CLEC4C: variants seen among roughly 807,000 people sequenced by gnomAD.
CLEC4C encodes the protein C-type (calcium dependent, carbohydrate-recognition domain) lectin, superfamily member 11.
CLEC4C carries 17 observed loss-of-function variants against 27.7 expected under a neutral mutation model. The ratio of observed to expected loss-of-function variants is 0.61; its 90% CI spans 0.42 to 0.92. CLEC4C has a LOEUF of 0.92. Among genes scored for constraint, CLEC4C ranks in the 40% least tolerant of loss-of-function variants. The pLI is 0.00. For missense variants in CLEC4C, 244 were observed against 257.3 expected, an observed-to-expected ratio of 0.95 and a Z score of 0.35; for synonymous variants, 80 against 80.8, an observed-to-expected ratio of 0.99 and a Z score of 0.06.
At chr12:7,738,473 T>C (rs1864778559) in intron 3 of CLEC4C, among the ~76,000 whole-genome samples, 1 of 152,180 alleles carries the variant, frequency 6.6e-6, no homozygotes, top group Non-Finnish European at 1.5e-5. Flanking sequence ...TTTTTCTTTA[T>C]ATTTTGACAT....
At chr12:7,749,501 G>C (rs1865056452), upstream of CLEC4C, 1 of 151,900 alleles carries the variant, frequency 6.6e-6, no homozygotes, top group Non-Finnish European at 1.5e-5. Flanking sequence ...ATTGCAGTGA[G>C]CCGTAATCGT....
At chr12:7,744,985 T>A (rs1039211021) in intron 2 of CLEC4C, among the ~76,000 whole-genome samples, 1 of 152,066 alleles carries the variant, frequency 6.6e-6, no homozygotes, top group African/African-American at 2.4e-5. Context: ...AATTATAGCA[T>A]CATAGAAAGA....
In CLEC4C at chr12:7,735,506, G is replaced by GAAA. The variant is rs74982387; in HGVS notation, c.381+1920_381+1922dup. Among the ~76,000 whole-genome samples the GAAA allele has an allele frequency of 1.4e-3, 113 of 80,462 alleles. 5 individuals carry two copies. Among genetic ancestry groups the GAAA allele is most frequent in the East Asian group, 3.6e-3 (10 of 2,812 alleles). 52.8% of individuals were successfully genotyped at this position (80,462 alleles called of 152,430 possible). On this transcript the variant is annotated intron_variant, in intron 4 of 5. Coordinates refer to ENST00000360345, the MANE Select transcript of CLEC4C (RefSeq NM_001371390.1). ...CGATAGAACAAGACTCTGTCTCAAA[G>GAAA]AAAAAAAAAAAAAAAAACGGCCAGG...
intron 1 of CLEC4C, among the ~76,000 whole-genome samples, chr12:7,747,098 C>T (rs1188221002): frequency 6.6e-6 from 1 of 152,240 alleles, no homozygotes; most frequent in Non-Finnish European, 1.5e-5. Flanking sequence ...TGCTGGATTA[C>T]AGGCGTGAGC....
At chr12:7,738,089 C>T (rs968964168) in intron 3 of CLEC4C, among the ~76,000 whole-genome samples, 21 of 152,094 alleles carry the variant, frequency 1.4e-4, no homozygotes, top group South Asian at 1.0e-3. Context: ...AAATAAGCTT[C>T]GCAATGTTAT....
chr12:7,736,050 G>A (rs776595737), intron 4 of CLEC4C, among the ~76,000 whole-genome samples: 56 of 152,234 alleles, frequency 3.7e-4, no homozygotes, highest in African/African-American at 8.7e-4. Flanking sequence ...TTGGGAGGCC[G>A]AGGTGGGTGG....
At chr12:7,747,385 GT>G (rs762687776), upstream of CLEC4C, 739 of 1,610,984 alleles carry the variant, frequency 4.6e-4, 2 homozygotes, top group African/African-American at 8.8e-3. Context: ...CCTCTATCAG[GT>G]GGGTGCAGAA....
intron 2 of CLEC4C, among the ~76,000 whole-genome samples, chr12:7,745,146 C>T (rs1301647665): frequency 1.3e-5 from 2 of 151,978 alleles, no homozygotes; most frequent in African/African-American, 4.8e-5. Context: ...TCCCAAGCTC[C>T]AATTTGTGGT....
At chr12:7,748,163 GAGAA>G (rs1466184604), upstream of CLEC4C, among the ~76,000 whole-genome samples, 4 of 152,156 alleles carry the variant, frequency 2.6e-5, no homozygotes, top group African/African-American at 9.7e-5. Flanking sequence ...AATAGACACT[GAGAA>G]AGAAAGAACC....
At position 7,741,511 on chromosome 12, in the gene CLEC4C, T is replaced by A. The variant is rs143790567; in HGVS notation, c.145A>T (p.Ser49Cys). The A allele has an allele frequency of 6.2e-7, 1 of 1,605,748 alleles. No homozygotes were observed. ...TTGGACAGCCTCTTGACAGTTTTGC[T>A]ATACATAAAATTGTGAGGCACTGGG... ...SSVVPHNFMY[S>C]KTVKRLSKLR... The change falls in exon 3 of 6, where the codon AGC becomes TGC. Residue 49 changes from serine to cysteine, a missense_variant. Transcript: ENST00000360345.
At chr12:7,733,469 G>A (rs2120371190) in intron 4 of CLEC4C, among the ~76,000 whole-genome samples, 1 of 147,604 alleles carries the variant, frequency 6.8e-6, no homozygotes, top group Middle Eastern at 3.6e-3. Flanking sequence ...TCACCATGTT[G>A]ACCAAGCTGG....
intron 4 of CLEC4C, 134 bp from the exon 5 acceptor site, chr12:7,731,046 C>CAAGCAGACAGAAA (rs2120361117): frequency 1.3e-5 from 7 of 520,052 alleles, no homozygotes; most frequent in Non-Finnish European, 2.5e-5. Context: ...CTTCTAACTA[C>CAAGCAGACAGAAA]AAGCAGACAG....
chr12:7,733,771 G>A (rs1193853822), intron 4 of CLEC4C, among the ~76,000 whole-genome samples: 5 of 151,438 alleles, frequency 3.3e-5, no homozygotes, highest in Admixed American at 1.3e-4. Flanking sequence ...GTGAGCCACC[G>A]CACCTGGCCC....
intron 1 of CLEC4C, 108 bp from the exon 2 acceptor site, chr12:7,746,531 C>T (rs1054026763): frequency 4.6e-6 from 3 of 649,448 alleles, no homozygotes; most frequent in African/African-American, 1.9e-5. Flanking sequence ...ATGATCAAAA[C>T]TAATTAAAAC....
At chr12:7,742,837 A>ATAAG (rs1205320460) in intron 2 of CLEC4C, among the ~76,000 whole-genome samples, 1 of 151,446 alleles carries the variant, frequency 6.6e-6, no homozygotes, top group African/African-American at 2.4e-5. Flanking sequence ...AAATAAATAA[A>ATAAG]TAAATAAATA....
chr12:7,739,836 T>C (rs1300605083), intron 3 of CLEC4C, among the ~76,000 whole-genome samples: 3 of 147,146 alleles, frequency 2.0e-5, no homozygotes, highest in Non-Finnish European at 4.5e-5. Context: ...CATGCCACCA[T>C]AGCTCGGTAA....
At chr12:7,730,412 A>G (rs1565458487) in intron 5 of CLEC4C, among the ~76,000 whole-genome samples, 1 of 152,180 alleles carries the variant, frequency 6.6e-6, no homozygotes, top group African/African-American at 2.4e-5. Context: ...AGGCCAAGGC[A>G]GGTGGATCAC....
Position 7,746,573 on chromosome 12 carries a change from G to T in CLEC4C, c.32-150C>A. ...AATGTGAAAGCAAAAAGAGATTATA[G>T]AAATTATCTCAGAACAAATGACCAG... is the stretch of plus-strand genomic sequence containing the variant. On this transcript the variant is annotated intron_variant, in intron 1 of 5. Transcript: ENST00000360345. 5.0e-6 allele frequency: 3 copies of T among 597,954 alleles called. No homozygotes were observed. In the East Asian group the frequency reaches 8.5e-5, roughly 17 times the overall value. The allele number at this position is 597,954 out of a possible 1,614,324, so 37.0% of individuals were successfully genotyped here.
At chr12:7,731,489 CCTCTT>C (rs1864594145) in intron 4 of CLEC4C, among the ~76,000 whole-genome samples, 1 of 152,126 alleles carries the variant, frequency 6.6e-6, no homozygotes, top group Admixed American at 6.6e-5. Context: ...GTATTTCTTT[CCTCTT>C]TCTTTAATTC....
Sources: allele counts gnomAD v4.1 joint callset (sites outside exome capture counted in the v4.1 genomes callset), GRCh38; gene constraint gnomAD v4.1.1; transcripts MANE v1.5; gene names NCBI Gene and HGNC (gene_info 2026-07-23, HGNC 2026-07-21).